MFSD8: variants seen among roughly 807,000 people sequenced by gnomAD.
MFSD8 encodes the protein major facilitator superfamily domain-containing protein 8.
MFSD8 carries 55 observed loss-of-function variants against 66.4 expected under a neutral mutation model. The observed-to-expected ratio is 0.83, with a 90% confidence interval of 0.67 to 1.04. MFSD8 has a LOEUF of 1.04. MFSD8 is among the 50% of genes least tolerant of loss of function. The pLI, the probability that MFSD8 is intolerant of heterozygous loss-of-function variation, is 0.00. For missense variants in MFSD8, 550 were observed against 627.6 expected, an observed-to-expected ratio of 0.88 and a Z score of 1.32; for synonymous variants, 202 against 212.8, an observed-to-expected ratio of 0.95 and a Z score of 0.44.
At chr4:127,955,935 C>T (rs1742783422) in intron 2 of MFSD8, among the ~76,000 whole-genome samples, 1 of 150,360 alleles carries the variant, frequency 6.7e-6, no homozygotes, top group African/African-American at 2.4e-5. Flanking sequence ...TGGCTAACGC[C>T]GTGAAACCCC....
upstream of MFSD8, chr4:127,965,337 C>T: frequency 1.6e-6 from 1 of 641,812 alleles, no homozygotes; most frequent in South Asian, 1.8e-5. Context: ...GTGTCCTCAG[C>T]CTCCTCCCTC....
intron 7 of MFSD8, among the ~76,000 whole-genome samples, chr4:127,936,209 G>T (rs1035902883): frequency 6.6e-6 from 1 of 151,960 alleles, no homozygotes; most frequent in East Asian, 1.9e-4. Flanking sequence ...TGCCTCCCAG[G>T]TTCAAGCGAT....
intron 2 of MFSD8, among the ~76,000 whole-genome samples, chr4:127,951,022 T>G (rs1448111350): frequency 1.3e-5 from 2 of 148,736 alleles, no homozygotes; most frequent in Non-Finnish European, 3.0e-5. Context: ...ATTGCACCAC[T>G]GCACTCCAGT....
chr4:127,936,034 G>T (rs1235030859), intron 7 of MFSD8, among the ~76,000 whole-genome samples: 1 of 151,990 alleles, frequency 6.6e-6, no homozygotes, highest in East Asian at 1.9e-4. Flanking sequence ...TAAACAATAA[G>T]TGTTAATATA....
intron 9 of MFSD8, among the ~76,000 whole-genome samples, chr4:127,925,894 G>A (rs1005098147): frequency 6.6e-6 from 1 of 152,086 alleles, no homozygotes; most frequent in Non-Finnish European, 1.5e-5. Flanking sequence ...ATACACCATG[G>A]AAAACTATGC....
At chr4:127,953,042 C>T (rs768604371) in intron 2 of MFSD8, among the ~76,000 whole-genome samples, 11 of 152,108 alleles carry the variant, frequency 7.2e-5, no homozygotes, top group Non-Finnish European at 1.5e-4. Flanking sequence ...CCATTGGCCC[C>T]TTCCACCTTC....
rs377555060 is a variant in MFSD8 at position 127,943,973 on chromosome 4, G to T, written c.218C>A (p.Thr73Lys). ...AGCAATAACCCAGCCCAAAAAACTT[G>T]TATCAGCTGTCGGATCAATCTGCAG... Reference protein sequence around the residue: ...YLQKIDPTADTSFLGWVIASY... With the variant: ...YLQKIDPTADKSFLGWVIASY... The change falls in exon 4 of 12, where the codon ACA becomes AAA. Residue 73 changes from threonine to lysine, a missense_variant. Physicochemically the swap from Thr to Lys is moderately conservative, Grantham distance 78 (BLOSUM62 -1). Coordinates refer to ENST00000641686, the MANE Select transcript of MFSD8 (RefSeq NM_001371596.2). The T allele has an allele frequency of 1.2e-6, 2 of 1,614,170 alleles. No individual in the cohort carries two copies. Among genetic ancestry groups the T allele is most frequent in the Non-Finnish European group, 1.7e-6 (2 of 1,180,018 alleles).
At chr4:127,933,344 C>T (rs1738490090) in intron 7 of MFSD8, 1 of 334,780 alleles carries the variant, frequency 3.0e-6, no homozygotes, top group Non-Finnish European at 5.6e-6. Context: ...TCCCCAGGCT[C>T]AGGTGATCCT....
intron 6 of MFSD8, 161 bp from the exon 7 acceptor site, chr4:127,938,999 T>C (rs1739622613): frequency 2.1e-6 from 1 of 482,514 alleles, no homozygotes; most frequent in Non-Finnish European, 3.7e-6. Context: ...CCAATAAACT[T>C]AAGACAGAAG....
intron 2 of MFSD8, among the ~76,000 whole-genome samples, chr4:127,951,065 A>T (rs1741870085): frequency 6.6e-6 from 1 of 152,076 alleles, no homozygotes; most frequent in African/African-American, 2.4e-5. Context: ...CTCAAAAAAA[A>T]AAAGGAAAAA....
At chr4:127,925,936 A>C (rs1737128674) in intron 9 of MFSD8, among the ~76,000 whole-genome samples, 1 of 152,164 alleles carries the variant, frequency 6.6e-6, no homozygotes, top group Non-Finnish European at 1.5e-5. Flanking sequence ...CATGTCTTTT[A>C]CAGTAACATG....
chr4:127,920,722 A>G lies in MFSD8; in HGVS notation c.1465T>C (p.Cys489Arg). 1 of 1,614,020 alleles carries G rather than the reference A, an allele frequency of 6.2e-7. No individual in the cohort carries two copies. The highest frequency in any genetic ancestry group is 2.2e-5 in the East Asian group (1 of 44,856). The change falls in exon 12 of 12, where the codon TGT becomes CGT. Residue 489 changes from cysteine (C) to arginine (R), a missense_variant. Transcript: ENST00000641686. Reference protein sequence around the residue: ...WGPRWAFSLVCGIIVLTITLL... With the variant: ...WGPRWAFSLVRGIIVLTITLL... ...GTGATGGTGAGCACTATTATTCCAC[A>G]CACCAGGCTGAATGCCCATCGTGGT...
intron 7 of MFSD8, among the ~76,000 whole-genome samples, chr4:127,938,443 C>T (rs1015025723): frequency 2.1e-4 from 32 of 151,906 alleles, no homozygotes; most frequent in Admixed American, 6.5e-4. Flanking sequence ...ATTAGCCAGG[C>T]GTGGCGGCAT....
At chr4:127,963,093 T>C (rs1013277281) in intron 1 of MFSD8, among the ~76,000 whole-genome samples, 2 of 152,210 alleles carry the variant, frequency 1.3e-5, no homozygotes, top group Non-Finnish European at 2.9e-5. Context: ...GCCCATAAAC[T>C]AGGATCAGAA....
chr4:127,933,776 A>C (rs1055727674), intron 7 of MFSD8: 4 of 152,218 alleles, frequency 2.6e-5, no homozygotes, highest in Non-Finnish European at 4.4e-5. Flanking sequence ...GATTTTTTCC[A>C]CCTTACTTAA....
At position 127,921,604 on chromosome 4, in the gene MFSD8, C is replaced by A. The variant is rs910297451; in HGVS notation, c.1270G>T (p.Val424Leu). The A allele has an allele frequency of 1.2e-6, 2 of 1,614,172 alleles. No individual in the cohort carries two copies. The highest frequency in any genetic ancestry group is 1.7e-5 in the Admixed American group (1 of 60,030). ...IHLAQFLTSA[V>L]LIGLGYPVCN... Reference sequence around the variant, plus strand: ...ACTGGATAGCCTAATCCTATTAGCACAGCTGATGTAAGGAACTGGGCCAGA... The same window carrying A: ...ACTGGATAGCCTAATCCTATTAGCAAAGCTGATGTAAGGAACTGGGCCAGA... Residue 424 changes from valine (V) to leucine (L), a missense_variant, in exon 11 of 12, where the codon GTG (valine) becomes TTG (leucine). Physicochemically the swap from Val to Leu is conservative, Grantham distance 32 (BLOSUM62 1). Transcript: ENST00000641686.
intron 7 of MFSD8, among the ~76,000 whole-genome samples, 196 bp downstream of exon 7, chr4:127,938,587 A>T (rs1739494016): frequency 7.6e-6 from 1 of 131,234 alleles, no homozygotes; most frequent in Admixed American, 7.3e-5. Context: ...TGTCTCAAAA[A>T]AAAAAAAATA....
chr4:127,955,407 G>T (rs377537814), intron 2 of MFSD8, among the ~76,000 whole-genome samples: 1 of 151,964 alleles, frequency 6.6e-6, no homozygotes, highest in African/African-American at 2.4e-5. Context: ...CGGGCATGGT[G>T]GTGGGTGACT....
At chr4:127,954,436 C>G (rs1276520395) in intron 2 of MFSD8, among the ~76,000 whole-genome samples, 1 of 151,996 alleles carries the variant, frequency 6.6e-6, no homozygotes, top group Non-Finnish European at 1.5e-5. Context: ...GCAAAAATGG[C>G]AAAACCCCGT....
Sources: allele counts gnomAD v4.1 joint callset (sites outside exome capture counted in the v4.1 genomes callset), GRCh38; gene constraint gnomAD v4.1.1; transcripts MANE v1.5; gene names NCBI Gene and HGNC (gene_info 2026-07-23, HGNC 2026-07-21).